The following MADD variants were observed in gnomAD, a reference collection of about 807,000 sequenced individuals.
MADD encodes MAP kinase activating death domain.
Under a neutral mutation model 176.7 loss-of-function variants are expected in MADD, and 109 were observed. The observed-to-expected ratio is 0.62, with a 90% CI of 0.53 to 0.72. The LOEUF is 0.72. MADD is among the 30% of genes least tolerant of loss of function. The pLI, the probability that MADD is intolerant of heterozygous loss-of-function variation, is 0.00. For synonymous variants in MADD, 771 were observed against 771.3 expected, an observed-to-expected ratio of 1.00 and a Z score of 0.01; for missense variants, 1,914 against 2,045.5, an observed-to-expected ratio of 0.94 and a Z score of 1.24.
At chr11:47,277,357 A>G (rs566127121) in intron 5 of MADD, among the ~76,000 whole-genome samples, 3 of 152,308 alleles carry the variant, frequency 2.0e-5, no homozygotes, top group East Asian at 1.9e-4. Context: ...CAGTGGCACA[A>G]TCTCGGCCCA....
At chr11:47,298,191 A>T (rs2074656627) in intron 22 of MADD, among the ~76,000 whole-genome samples, 1 of 152,232 alleles carries the variant, frequency 6.6e-6, no homozygotes, top group South Asian at 2.1e-4. Flanking sequence ...TTACTTTTAG[A>T]TGCTTTTCAA....
At chr11:47,328,127 A>G in intron 31 of MADD, 1 of 1,007,904 alleles carries the variant, frequency 9.9e-7, no homozygotes, top group Non-Finnish European at 1.2e-6. Context: ...CTGTGGGTTT[A>G]TATCATGTTA....
At chr11:47,324,641 G>T (rs748232315) in intron 30 of MADD, 64 bp downstream of exon 33, 7 of 1,106,072 alleles carry the variant, frequency 6.3e-6, no homozygotes, top group Non-Finnish European at 9.5e-6. Flanking sequence ...CAATGTCCAA[G>T]CCCCCAGTAC....
rs902270354 is a variant in MADD, at chr11:47,325,757, A to G, written c.4543-981A>G. Among the ~76,000 whole-genome samples, 3 of 152,196 alleles carry G rather than the reference A, an allele frequency of 2.0e-5. No individual in the cohort carries two copies. Among genetic ancestry groups the G allele is most frequent in the Non-Finnish European group, 4.4e-5 (3 of 68,026 alleles). On this transcript the variant is annotated intron_variant, in intron 30 of 32. Coordinates refer to ENST00000402192, the Ensembl canonical transcript of MADD. This position sits in a 1 kb window ranked among gnomAD's most constrained non-coding sequence, Gnocchi z 4.5. The stretch of plus-strand genomic sequence containing the variant: ...CATTTTAGCGCCGTGGCCTCTGAAG[A>G]TGAGATCTTGCTGAGCAACGCCCAG...
chr11:47,276,203 G>A lies in MADD; in HGVS notation c.963+1G>A, dbSNP rs2049640804. 6.2e-7 allele frequency: 1 copy of A among 1,600,896 alleles called. No individual in the cohort carries two copies. The highest frequency in any genetic ancestry group is 1.1e-5 in the South Asian group (1 of 90,252). ...AACCTGCATTCTGTTAGAGCACAAGGTGAGAGGCAAGCTTCCTAGACCTTT... is the reference window on the plus strand; with the variant it reads ...AACCTGCATTCTGTTAGAGCACAAGATGAGAGGCAAGCTTCCTAGACCTTT... On this transcript the variant is annotated splice_donor_variant, in intron 4 of 32. Coordinates refer to ENST00000402192, the Ensembl canonical transcript of MADD. LOFTEE classifies it high-confidence loss of function.
intron 22 of MADD, among the ~76,000 whole-genome samples, chr11:47,307,079 C>CT (rs3070459): frequency 0.32 from 46,526 of 143,872 alleles, 7,421 homozygotes; most frequent in Middle Eastern, 0.41. Flanking sequence ...GATTTTTATA[C>CT]TTTTTTTTTT....
exon 6 of MADD, chr11:47,278,209 C>T: frequency 6.2e-7 from 1 of 1,614,150 alleles, no homozygotes; most frequent in East Asian, 2.2e-5. Flanking sequence ...TTCCTGCCAG[C>T]TTCTTCCTCT....
intron 15 of MADD, among the ~76,000 whole-genome samples, chr11:47,287,822 G>A (rs12802374): frequency 0.3 from 38,014 of 127,910 alleles, 6,397 homozygotes; most frequent in Middle Eastern, 0.41. Context: ...CAAGAGTCTC[G>A]CTCTGTTGCC....
At chr11:47,312,491 A>G (rs1379583799) in intron 26 of MADD, among the ~76,000 whole-genome samples, 3 of 152,196 alleles carry the variant, frequency 2.0e-5, no homozygotes, top group East Asian at 1.9e-4. Context: ...CAATGGCGCA[A>G]TTTTGGCTCA....
At chr11:47,303,585 C>T (rs1451335223) in intron 22 of MADD, among the ~76,000 whole-genome samples, 1 of 144,808 alleles carries the variant, frequency 6.9e-6, no homozygotes, top group African/African-American at 2.6e-5. Context: ...GACAATTTGA[C>T]TGTAATGTAC....
At chr11:47,273,361 C>T (rs201927271) in intron 1 of MADD, among the ~76,000 whole-genome samples, 4 of 150,928 alleles carry the variant, frequency 2.7e-5, no homozygotes, top group East Asian at 1.9e-4. Context: ...TTTCTTGAGA[C>T]GGAGTCTCAC....
chr11:47,278,257 A>T (rs1308396729), exon 6 of MADD: 1 of 1,613,766 alleles, frequency 6.2e-7, no homozygotes, highest in East Asian at 2.2e-5. Flanking sequence ...ATGTATGGCT[A>T]GTGGATCTGG....
upstream of MADD, chr11:47,269,843 T>A (rs1021164955): frequency 1.3e-5 from 2 of 152,100 alleles, no homozygotes; most frequent in Non-Finnish European, 2.9e-5. Flanking sequence ...GGAATCCCCA[T>A]GTCGTCGAAA....
In MADD at chr11:47,309,490, C is replaced by T. The variant is rs768831978; in HGVS notation, c.3873-17C>T. On this transcript the variant is annotated splice_polypyrimidine_tract_variant and intron_variant, in intron 24 of 32. Transcript: ENST00000402192. ...TCTCCCACTTGAGGGCTGACTTGTG[C>T]TTGGTCTTCTCCTTAGGTACCTGTC... 4 of 1,613,764 alleles carry T rather than the reference C, an allele frequency of 2.5e-6. No individual in the cohort carries two copies. The highest frequency in any genetic ancestry group is 2.5e-6 in the Non-Finnish European group (3 of 1,179,714).
chr11:47,274,531 C>A, intron 2 of MADD, 32 bp from the exon 3 acceptor site: 1 of 1,551,456 alleles, frequency 6.4e-7, no homozygotes, highest in Non-Finnish European at 8.9e-7. Flanking sequence ...TCCATCCCTT[C>A]AGGCTGCTGA....
At position 47,275,215 on chromosome 11, in the gene MADD, G is replaced by C. The variant is rs145901670; in HGVS notation, c.659+56G>C. The C allele has an allele frequency of 7.9e-5, 116 of 1,462,764 alleles. No homozygotes were observed. In the African/African-American group the frequency reaches 1.5e-3, roughly 18 times the overall value. 90.6% of individuals were successfully genotyped at this position (1,462,764 alleles called of 1,614,324 possible). A position where few individuals can be genotyped will look rare whatever the true frequency, so the allele number is the denominator to read the frequency against. ...AAGCATTTAGAGATTCCATGTAATT[G>C]GTCTTTGAGGGGCATAGGAAATTTC... On this transcript the variant is annotated intron_variant, in intron 3 of 32. Transcript: ENST00000402192.
intron 20 of MADD, among the ~76,000 whole-genome samples, chr11:47,294,739 TTAAA>T (rs2069223778): frequency 6.6e-6 from 1 of 151,198 alleles, no homozygotes; most frequent in South Asian, 2.1e-4. Flanking sequence ...AAGGGAATTA[TTAAA>T]TAAGTATAAT....
intron 32 of MADD, 135 bp downstream of exon 36, chr11:47,328,839 C>T: frequency 8.7e-7 from 1 of 1,145,624 alleles, no homozygotes; most frequent in Non-Finnish European, 1.3e-6. Context: ...AGGTTCAACT[C>T]AGGCTGAAAC....
intron 18 of MADD, 130 bp from the exon 20 acceptor site, chr11:47,290,480 A>G (rs1168379365): frequency 1.6e-6 from 2 of 1,256,342 alleles, no homozygotes; most frequent in African/African-American, 1.5e-5. Flanking sequence ...ACGAAAAATA[A>G]GACATCAGCT....
Sources: allele counts gnomAD v4.1 joint callset (sites outside exome capture counted in the v4.1 genomes callset), GRCh38; gene constraint gnomAD v4.1.1; non-coding constraint Gnocchi (gnomAD v3.1); transcripts MANE v1.5; gene names NCBI Gene and HGNC (gene_info 2026-07-23, HGNC 2026-07-21).